Variants in MAMLD1 observed in about 807,000 individuals in gnomAD.
The protein encoded by MAMLD1 is mastermind like domain containing 1, also known as mastermind-like domain-containing protein 1.
A neutral mutation model predicts 45.0 loss-of-function variants in MAMLD1; 14 were observed. The ratio of observed to expected loss-of-function variants is 0.31; its 90% CI spans 0.21 to 0.49. The LOEUF is 0.49. Among genes scored for constraint, MAMLD1 ranks in the 20% least tolerant of loss-of-function variants. The pLI, the probability that MAMLD1 is intolerant of heterozygous loss-of-function variation, is 0.99. For missense variants in MAMLD1, 543 were observed against 603.6 expected (o/e 0.90, Z 1.05); for synonymous variants, 254 against 247.8 (o/e 1.02, Z -0.24).
intron 1 of MAMLD1, among the ~76,000 whole-genome samples, chrX:150,380,159 G>GT (rs782443939): frequency 1.8e-5 from 2 of 111,833 alleles, no homozygotes; most frequent in African/African-American, 3.2e-5. Context: ...GTATGAGAGT[G>GT]TTTTTTTCCC....
chrX:150,435,455 AAT>A (rs1479220938), intron 1 of MAMLD1, among the ~76,000 whole-genome samples: 13 of 111,814 alleles, frequency 1.2e-4, no homozygotes, highest in Non-Finnish European at 2.4e-4. Flanking sequence ...TGGAGGTTGC[AAT>A]GAGTTGAGGT....
intron 5 of MAMLD1, among the ~76,000 whole-genome samples, chrX:150,502,649 G>A (rs1557408593): frequency 8.9e-6 from 1 of 112,146 alleles, no homozygotes. Flanking sequence ...AAAATCTTGG[G>A]GCCCTAGTGG....
At chrX:150,472,580 C>T (rs1433158183) in intron 4 of MAMLD1, among the ~76,000 whole-genome samples, 2 of 112,182 alleles carry the variant, frequency 1.8e-5, no homozygotes, top group African/African-American at 3.2e-5. Context: ...CCTTGCCACA[C>T]GGTCTCTTCA....
intron 1 of MAMLD1, among the ~76,000 whole-genome samples, chrX:150,414,823 T>C: frequency 8.9e-6 from 1 of 112,074 alleles, no homozygotes; most frequent in South Asian, 3.7e-4. Context: ...AGTACCATCA[T>C]CTCAGGCTGC....
intron 3 of MAMLD1, among the ~76,000 whole-genome samples, chrX:150,468,667 T>C (rs1482333927): frequency 9.0e-6 from 1 of 111,386 alleles, no homozygotes; most frequent in Admixed American, 9.6e-5. Flanking sequence ...GTGACTTTGC[T>C]TTGTTCCCAA....
intron 3 of MAMLD1, among the ~76,000 whole-genome samples, chrX:150,466,285 G>C (rs1395073152): frequency 3.5e-5 from 4 of 112,758 alleles, no homozygotes; most frequent in African/African-American, 1.3e-4. Context: ...GCCTCTCCTC[G>C]GCCTTGTTTA....
intron 1 of MAMLD1, among the ~76,000 whole-genome samples, chrX:150,398,337 A>AGAAGAAGAAGAAGAAGAG (rs2033588884): frequency 2.3e-4 from 12 of 52,309 alleles, no homozygotes; most frequent in Admixed American, 4.7e-4. Flanking sequence ...AAGAAGAAGA[A>AGAAGAAGAAGAAGAAGAG]GAAGAGGAAG....
intron 1 of MAMLD1, among the ~76,000 whole-genome samples, chrX:150,365,798 A>G (rs984683893): frequency 2.0e-4 from 23 of 112,508 alleles, no homozygotes; most frequent in African/African-American, 6.8e-4. Context: ...GGCAGTGAGG[A>G]TGAGCGTGCT....
chrX:150,434,802 A>G (rs2035068326), intron 1 of MAMLD1, among the ~76,000 whole-genome samples: 1 of 111,672 alleles, frequency 9.0e-6, no homozygotes, highest in Non-Finnish European at 1.9e-5. Flanking sequence ...GTTTTTTTGA[A>G]TGTGCTGAGG....
In MAMLD1 at chrX:150,470,411, C is replaced by G; in HGVS notation, c.838C>G (p.Gln280Glu). ...AGTGTCACCGAGTTCTTCAATGGCA[C>G]AGTCCAAGAGCCAGGTCCAGGCCAT... ...QIVSPSSSMA[Q>E]SKSQVQAMLP... Residue 280 changes from glutamine (Q) to glutamate (E), a missense_variant, in exon 4 of 8, where the codon CAG becomes GAG. By Grantham distance (29) the Gln-to-Glu change is conservative. Transcript: ENST00000370401. 1 of 1,212,018 alleles carries G rather than the reference C, an allele frequency of 8.3e-7. No individual in the cohort carries two copies.
Position 150,492,264 on chromosome X carries a change from G to A in MAMLD1, c.2041-11010G>A, listed in dbSNP as rs12557148. Among the ~76,000 whole-genome samples, 3 of 112,900 alleles carry A rather than the reference G, an allele frequency of 2.7e-5. No homozygotes were observed. In the East Asian group the frequency reaches 8.4e-4, roughly 31 times the overall value. On this transcript the variant is annotated intron_variant, in intron 5 of 7. Transcript: ENST00000370401. The stretch of plus-strand genomic sequence containing the variant: ...ACCAAGGCTGCAGGCCATTTGCAGG[G>A]CACAGCCCTGGAGGCTAAAGTGGAG...
chrX:150,369,654 C>G (rs1459803403), intron 1 of MAMLD1, among the ~76,000 whole-genome samples: 1 of 111,951 alleles, frequency 8.9e-6, no homozygotes, highest in Non-Finnish European at 1.9e-5. Flanking sequence ...ATACAGATAA[C>G]GGGATCTAAA....
intron 5 of MAMLD1, among the ~76,000 whole-genome samples, chrX:150,500,487 C>T (rs1557408477): frequency 9.0e-6 from 1 of 111,224 alleles, no homozygotes; most frequent in Non-Finnish European, 1.9e-5. Context: ...TTCCAGCAAA[C>T]TCTCTGACAA....
intron 5 of MAMLD1, among the ~76,000 whole-genome samples, chrX:150,497,441 G>A (rs1474638013): frequency 9.2e-6 from 1 of 108,810 alleles, no homozygotes; most frequent in Non-Finnish European, 1.9e-5. Flanking sequence ...GCACCACCAT[G>A]CCCGGCTAAC....
At chrX:150,435,075 T>G (rs188459070) in intron 1 of MAMLD1, among the ~76,000 whole-genome samples, 29 of 111,952 alleles carry the variant, frequency 2.6e-4, no homozygotes, top group Admixed American at 2.3e-3. Flanking sequence ...AGAACTTGCT[T>G]TATGAATCTG....
rs782646291 is a variant in MAMLD1 at position 150,445,628 on chromosome X, A to T, written c.96+16A>T. 8 of 1,106,525 alleles carry T rather than the reference A, an allele frequency of 7.2e-6. No homozygotes were observed. The South Asian group carries it at 1.1e-4, about 15-fold the overall frequency. 91.2% of individuals were successfully genotyped at this position (1,106,525 alleles called of 1,213,427 possible). On this transcript the variant is annotated intron_variant, in intron 2 of 7. Coordinates refer to ENST00000370401, the MANE Select transcript of MAMLD1 (RefSeq NM_005491.5). ...CCAGGAATCGGTCAGACAATGGGCC[A>T]TGGGGGGAGGGGGGTATTTAATGCT... is the stretch of plus-strand genomic sequence containing the variant.
Position 150,473,813 on chromosome X carries a change from CTGTTT to C in MAMLD1, c.2040+20_2040+24del. 1 of 1,209,917 alleles carries C rather than the reference CTGTTT, an allele frequency of 8.3e-7. No individual in the cohort carries two copies. Among genetic ancestry groups the C allele is most frequent in the East Asian group, 3.0e-5 (1 of 33,830 alleles). ...TCACCGTCTAACATTGTGAGCCTTT[CTGTTT>C]TGTTTTGTCTTCAATTGGGTACATT... On this transcript the variant is annotated intron_variant, in intron 5 of 7. Coordinates refer to ENST00000370401, the MANE Select transcript of MAMLD1 (RefSeq NM_005491.5).
intron 2 of MAMLD1, among the ~76,000 whole-genome samples, chrX:150,449,559 T>C (rs1275023544): frequency 1.8e-5 from 2 of 111,790 alleles, no homozygotes; most frequent in Non-Finnish European, 3.8e-5. Context: ...ATATACTTCT[T>C]GCAGAAAAAG....
Position 150,471,364 on chromosome X carries a change from GCAGCAGCAGCAGCAA to G in MAMLD1, c.1805_1819del (p.Gln602_Gln606del), listed in dbSNP as rs1442844230. The G allele has an allele frequency of 8.3e-7, 1 of 1,209,347 alleles. No homozygotes were observed. The highest frequency in any genetic ancestry group is 1.1e-6 in the Non-Finnish European group (1 of 894,821). On this transcript the variant is annotated inframe_deletion, in exon 4 of 8. Transcript: ENST00000370401. ...CGGCCACTGCCACCTTGCAGCTGCA[GCAGCAGCAGCAGCAA>G]CAGCAGCAGCAGCCTGACCATTCTT...
Sources: allele counts gnomAD v4.1 joint callset (sites outside exome capture counted in the v4.1 genomes callset), GRCh38; gene constraint gnomAD v4.1.1; transcripts MANE v1.5; gene names NCBI Gene and HGNC (gene_info 2026-07-23, HGNC 2026-07-21).